The following CACNA1G variants were observed in gnomAD, a reference collection of about 807,000 sequenced individuals.
The protein encoded by CACNA1G is calcium voltage-gated channel subunit alpha1 G.
CACNA1G carries 67 observed loss-of-function variants against 219.4 expected under a neutral mutation model. That is an observed-to-expected ratio of 0.31 (90% confidence interval 0.25 to 0.37). The LOEUF is 0.37. Ranked by LOEUF, CACNA1G falls within the 10% of genes least tolerant of loss-of-function variation. CACNA1G has a pLI of 1.00. For synonymous variants in CACNA1G, 1,296 were observed against 1,345.3 expected (o/e 0.96, Z 0.80); for missense variants, 2,380 against 3,231.4 (o/e 0.74, Z 6.39).
rs2035439052 is a variant in CACNA1G, at chr17:50,560,979, G to A, written c.-481G>A. Reference sequence around the variant, plus strand: ...AAAGAGATCCCTCCTCCCCTCCCCCGCCGCCTGGCGCGGAGCCGGGACGAT... The same window carrying A: ...AAAGAGATCCCTCCTCCCCTCCCCCACCGCCTGGCGCGGAGCCGGGACGAT... On this transcript the variant is annotated 5_prime_UTR_variant, in exon 1 of 38. Coordinates refer to ENST00000359106, the MANE Select transcript of CACNA1G (RefSeq NM_018896.5). The A allele has an allele frequency of 1.9e-5, 1 of 53,302 alleles. No individual in the cohort carries two copies. Among genetic ancestry groups the A allele is most frequent in the Non-Finnish European group, 3.3e-5 (1 of 30,464 alleles). The allele number at this position is 53,302 out of a possible 1,614,324, so 3.3% of individuals were successfully genotyped here. A position where few individuals can be genotyped will look rare whatever the true frequency, so the allele number is the denominator to read the frequency against.
At chr17:50,599,330 G>C (rs1598457113) in intron 16 of CACNA1G, 98 bp from the exon 17 acceptor site, 8 of 1,107,658 alleles carry the variant, frequency 7.2e-6, no homozygotes, top group Non-Finnish European at 8.8e-6. Context: ...CCCTACACTT[G>C]ATGTGATGCC....
At chr17:50,616,212 C>A (rs866195333) in intron 27 of CACNA1G, 63 bp from the exon 28 acceptor site, 24 of 968,718 alleles carry the variant, frequency 2.5e-5, no homozygotes, top group Non-Finnish European at 3.6e-5. Flanking sequence ...GATGGAGGGG[C>A]GGGGGGACAA....
chr17:50,627,408 T>C lies in CACNA1G; in HGVS notation c.*657T>C, dbSNP rs893795437. 2.7e-6 allele frequency: 1 copy of C among 365,544 alleles called. No homozygotes were observed. Among genetic ancestry groups the C allele is most frequent in the African/African-American group, 2.1e-5 (1 of 46,688 alleles). 22.6% of individuals were successfully genotyped at this position (365,544 alleles called of 1,614,324 possible). ...AAGTGAAATGGAACCTTTTTATATATACATACATACATATCTATCTATCTA... is the reference window on the plus strand; with the variant it reads ...AAGTGAAATGGAACCTTTTTATATACACATACATACATATCTATCTATCTA... On this transcript the variant is annotated 3_prime_UTR_variant, in exon 38 of 38. Transcript: ENST00000359106.
At position 50,603,893 on chromosome 17, in the gene CACNA1G, C is replaced by T. The variant is rs771616528; in HGVS notation, c.4170-262C>T. ...CGCCTCACTTGAGTTGAATCCTCCC[C>T]ACTCCCAACCCAAACAGGTCGTACA... On this transcript the variant is annotated intron_variant, in intron 21 of 37. Transcript: ENST00000359106. This position sits in a 1 kb window ranked among gnomAD's most constrained non-coding sequence, Gnocchi z 6.4. Among the ~76,000 whole-genome samples the T allele has an allele frequency of 6.6e-6, 1 of 152,174 alleles. No individual in the cohort carries two copies. Among genetic ancestry groups the T allele is most frequent in the Non-Finnish European group, 1.5e-5 (1 of 68,032 alleles).
At chr17:50,587,001 G>A (rs1249847981) in intron 9 of CACNA1G, among the ~76,000 whole-genome samples, 3 of 152,182 alleles carry the variant, frequency 2.0e-5, no homozygotes, top group African/African-American at 4.8e-5. Flanking sequence ...TCATTTCACC[G>A]AAACCTCCAC....
intron 10 of CACNA1G, 73 bp from the exon 11 acceptor site, chr17:50,591,362 C>G (rs2044301558): frequency 2.1e-6 from 3 of 1,411,710 alleles, no homozygotes; most frequent in Admixed American, 5.4e-5. Context: ...TTGGGTGCTA[C>G]TGAGTCCTCT....
Position 50,619,789 on chromosome 17 carries a change from T to C in CACNA1G, c.5888T>C (p.Phe1963Ser). The C allele has an allele frequency of 6.2e-7, 1 of 1,606,962 alleles. No individual in the cohort carries two copies. Among genetic ancestry groups the C allele is most frequent in the Non-Finnish European group, 8.5e-7 (1 of 1,178,308 alleles). Residue 1963 changes from phenylalanine (F) to serine (S), a missense_variant, in exon 34 of 38, where the codon TTC becomes TCC. Around this residue, in one of 17 missense-constraint regions of CACNA1G, gnomAD observed 672 missense variants for 670.5 expected, o/e 1.00. Coordinates refer to ENST00000359106, the MANE Select transcript of CACNA1G (RefSeq NM_018896.5). ...LAGPGGQPSA[F>S]PSAPSLGGSD... The stretch of plus-strand genomic sequence containing the variant: ...GGCCCAGGGGGCCAGCCCTCTGCCT[T>C]CCCTTCTGCCCCCAGCCTGGGAGGC...
intron 16 of CACNA1G, among the ~76,000 whole-genome samples, chr17:50,597,212 T>G (rs2045750881): frequency 6.6e-6 from 1 of 152,080 alleles, no homozygotes; most frequent in Non-Finnish European, 1.5e-5. Flanking sequence ...AAAATGGAGG[T>G]GGGGTGTCCA....
Position 50,625,811 on chromosome 17 carries a change from A to C in CACNA1G, c.6400-206A>C, listed in dbSNP as rs72837512. ...GCATGGGGGAGGGAAGACAGGGTTT[A>C]GTGGGGAGAGAGGAGGCATGGTGGA... On this transcript the variant is annotated intron_variant, in intron 37 of 37. Coordinates refer to ENST00000359106, the MANE Select transcript of CACNA1G (RefSeq NM_018896.5). Among the ~76,000 whole-genome samples the C allele has an allele frequency of 0.062, 9,468 of 152,188 alleles. 413 individuals carry two copies. The highest frequency in any genetic ancestry group is 0.1 in the South Asian group (490 of 4,812).
chr17:50,561,651 G>A lies in CACNA1G; in HGVS notation c.192G>A (p.Leu64=), dbSNP rs777011551. ...PALAPVVFFY[L]SQDSRPRSWC... ...TGGCCCCGGTGGTTTTCTTCTACTTGAGCCAGGACAGCCGCCCGCGGAGCT... is the reference window on the plus strand; with the variant it reads ...TGGCCCCGGTGGTTTTCTTCTACTTAAGCCAGGACAGCCGCCCGCGGAGCT... Residue 64 remains leucine (L), a synonymous_variant, in exon 1 of 38, where the codon TTG becomes TTA. Coordinates refer to ENST00000359106, the MANE Select transcript of CACNA1G (RefSeq NM_018896.5). The A allele has an allele frequency of 1.5e-5, 24 of 1,606,928 alleles. No individual in the cohort carries two copies. Among genetic ancestry groups the A allele is most frequent in the Non-Finnish European group, 2.0e-5 (23 of 1,177,182 alleles).
Position 50,617,438 on chromosome 17 carries a change from G to A in CACNA1G, c.5022G>A (p.Arg1674=). The change falls in exon 29 of 38, where the codon AGG becomes AGA. Residue 1674 remains arginine (R), a splice_region_variant and synonymous_variant. Coordinates refer to ENST00000359106, the MANE Select transcript of CACNA1G (RefSeq NM_018896.5). The surrounding 1 kb of genome is among the most constrained non-coding windows in gnomAD (Gnocchi z 5.8). The part of the protein sequence containing the change: ...AFGFRRFFQD[R]WNQLDLAIVL... ...GGGAGCTGTATTCTGGGCTTTCCAG[G>A]TGGAACCAGCTGGACCTGGCCATTG... is the stretch of plus-strand genomic sequence containing the variant. The A allele has an allele frequency of 6.2e-7, 1 of 1,612,554 alleles. No individual in the cohort carries two copies. The highest frequency in any genetic ancestry group is 1.7e-5 in the Admixed American group (1 of 59,948).
chr17:50,603,014 G>C lies in CACNA1G; in HGVS notation c.3985-1G>C. Reference sequence around the variant, plus strand: ...GCCGATGACGTGGCGGTGGTCCCCAGGTGGTGGCACTGGGCTGGTGCTTCG... The same window carrying C: ...GCCGATGACGTGGCGGTGGTCCCCACGTGGTGGCACTGGGCTGGTGCTTCG... On this transcript the variant is annotated splice_acceptor_variant, in intron 20 of 37. Transcript: ENST00000359106. LOFTEE classifies it high-confidence loss of function. The surrounding 1 kb of genome is among the most constrained non-coding windows in gnomAD (Gnocchi z 6.4). 1 of 1,610,978 alleles carries C rather than the reference G, an allele frequency of 6.2e-7. No homozygotes were observed. The highest frequency in any genetic ancestry group is 8.5e-7 in the Non-Finnish European group (1 of 1,177,880).
At chr17:50,570,403 C>T (rs1299183052) in intron 4 of CACNA1G, among the ~76,000 whole-genome samples, 1 of 152,164 alleles carries the variant, frequency 6.6e-6, no homozygotes, top group Non-Finnish European at 1.5e-5. Context: ...ACTGCCCCCT[C>T]CCTTTGCTCA....
At chr17:50,577,581 T>A (rs107067) in intron 8 of CACNA1G, among the ~76,000 whole-genome samples, 19,963 of 150,856 alleles carry the variant, frequency 0.13, 2,326 homozygotes, top group African/African-American at 0.31. Context: ...GCATGTGCGA[T>A]GTGAAGCTCT....
At chr17:50,569,135 A>G (rs1156573562) in intron 2 of CACNA1G, 30 bp from the exon 3 acceptor site, 9 of 1,609,108 alleles carry the variant, frequency 5.6e-6, no homozygotes, top group Non-Finnish European at 7.6e-6. Flanking sequence ...CCCACGTCTC[A>G]GTTTCAGCCA....
At chr17:50,562,301 C>T (rs1267300194) in intron 1 of CACNA1G, among the ~76,000 whole-genome samples, 2 of 152,034 alleles carry the variant, frequency 1.3e-5, no homozygotes, top group Non-Finnish European at 2.9e-5. Context: ...TGTTGGGGGG[C>T]GGGGACCAGG....
At chr17:50,605,794 C>T in intron 22 of CACNA1G, 104 bp from the exon 23 acceptor site, 4 of 1,279,170 alleles carry the variant, frequency 3.1e-6, no homozygotes, top group South Asian at 2.6e-5. Context: ...GCACCCCACA[C>T]TCACTCAAAA....
intron 35 of CACNA1G, among the ~76,000 whole-genome samples, chr17:50,622,169 C>CCA (rs1241768029): frequency 5.3e-5 from 8 of 149,964 alleles, no homozygotes; most frequent in Middle Eastern, 3.4e-3. Context: ...TGCCTGTTCC[C>CCA]CTCCTCCCCA....
Position 50,603,202 on chromosome 17 carries a change from G to A in CACNA1G, c.4169+3G>A, listed in dbSNP as rs1225467942. 1 of 1,600,388 alleles carries A rather than the reference G, an allele frequency of 6.2e-7. No individual in the cohort carries two copies. Among genetic ancestry groups the A allele is most frequent in the Non-Finnish European group, 8.5e-7 (1 of 1,179,250 alleles). ...CTGCGGACCCTGCGCCCGCTCAGGT[G>A]ACTCCCTCCCCAGCACTGGAACACC... is the stretch of plus-strand genomic sequence containing the variant. On this transcript the variant is annotated splice_donor_region_variant and intron_variant, in intron 21 of 37. Coordinates refer to ENST00000359106, the MANE Select transcript of CACNA1G (RefSeq NM_018896.5). This position sits in a 1 kb window ranked among gnomAD's most constrained non-coding sequence, Gnocchi z 6.4.
Sources: allele counts gnomAD v4.1 joint callset (sites outside exome capture counted in the v4.1 genomes callset), GRCh38; gene constraint gnomAD v4.1.1; regional missense constraint gnomAD v4.1.1; non-coding constraint Gnocchi (gnomAD v3.1); transcripts MANE v1.5; gene names NCBI Gene and HGNC (gene_info 2026-07-23, HGNC 2026-07-21).